TBRG4: variants seen among roughly 807,000 people sequenced by gnomAD.
The protein encoded by TBRG4 is FAST kinase domain-containing protein 4.
Under a neutral mutation model 65.6 loss-of-function variants are expected in TBRG4, and 43 were observed. That is an observed-to-expected ratio of 0.66 (90% CI 0.51 to 0.85). TBRG4 has a LOEUF of 0.85. Among genes scored for constraint, TBRG4 ranks in the 40% least tolerant of loss-of-function variants. The pLI is 0.00. For synonymous variants in TBRG4, 366 were observed against 341.4 expected, an observed-to-expected ratio of 1.07 and a Z score of -0.79; for missense variants, 709 against 787.9, an observed-to-expected ratio of 0.90 and a Z score of 1.20.
At chr7:45,108,105 C>A (rs1281597538) in intron 2 of TBRG4, among the ~76,000 whole-genome samples, 1 of 152,248 alleles carries the variant, frequency 6.6e-6, no homozygotes, top group African/African-American at 2.4e-5. Context: ...TAGTGCAACT[C>A]CTTCCTTGGA....
At chr7:45,104,853 C>T (rs1784886776) in intron 3 of TBRG4, 144 bp from the exon 4 acceptor site, 2 of 1,288,304 alleles carry the variant, frequency 1.6e-6, no homozygotes, top group African/African-American at 2.9e-5. Context: ...AACACAGGAC[C>T]ACTGTGCAGG....
chr7:45,107,557 A>G (rs959756129), intron 2 of TBRG4: 1 of 152,656 alleles, frequency 6.6e-6, no homozygotes, highest in African/African-American at 2.4e-5. Context: ...AGCAGAAACC[A>G]CACCTTCAAG....
Position 45,111,634 on chromosome 7 carries a change from A to G in TBRG4, c.-51+9T>C, listed in dbSNP as rs1785130204. 7.8e-7 allele frequency: 1 copy of G among 1,289,246 alleles called. No individual in the cohort carries two copies. Among genetic ancestry groups the G allele is most frequent in the Non-Finnish European group, 1.0e-6 (1 of 988,838 alleles). 79.9% of individuals were successfully genotyped at this position (1,289,246 alleles called of 1,614,324 possible). On this transcript the variant is annotated intron_variant, in intron 1 of 10. Transcript: ENST00000258770. Reference sequence around the variant, plus strand: ...CAGCCGCCCCTTCTCCCCGTGCCACAAGACCTACGCAGCGAGCACCACCGC... The same window carrying G: ...CAGCCGCCCCTTCTCCCCGTGCCACGAGACCTACGCAGCGAGCACCACCGC...
chr7:45,107,182 C>G (rs1341950120), intron 2 of TBRG4: 1 of 152,268 alleles, frequency 6.6e-6, no homozygotes, highest in East Asian at 1.9e-4. Context: ...CAGGCTCTTA[C>G]TAAATGCCAG....
chr7:45,106,144 C>T (rs1338839387), intron 2 of TBRG4: 3 of 512,930 alleles, frequency 5.8e-6, no homozygotes, highest in Non-Finnish European at 1.2e-5. Context: ...AGGCCAGATC[C>T]AAGGGTACAC....
intron 1 of TBRG4, among the ~76,000 whole-genome samples, chr7:45,110,557 C>G (rs1259778824): frequency 6.6e-6 from 1 of 151,184 alleles, no homozygotes; most frequent in Non-Finnish European, 1.5e-5. Context: ...GTCCCAGCTA[C>G]TAGGGAGGGT....
chr7:45,104,343 G>A, intron 4 of TBRG4, 87 bp from the exon 5 acceptor site: 1 of 1,598,470 alleles, frequency 6.3e-7, no homozygotes, highest in Non-Finnish European at 8.6e-7. Context: ...TCGAGGTCTA[G>A]ATATTTGATG....
At chr7:45,111,433 G>A (rs1420098937) in intron 1 of TBRG4, 27 of 362,076 alleles carry the variant, frequency 7.5e-5, no homozygotes, top group South Asian at 6.5e-4. Flanking sequence ...CAGGGGCGGC[G>A]TCTTCCAGGC....
At chr7:45,101,777 T>TA in intron 8 of TBRG4, 48 bp downstream of exon 8, 1 of 1,599,692 alleles carries the variant, frequency 6.3e-7, no homozygotes, top group Non-Finnish European at 8.5e-7. Flanking sequence ...AGAGTCCCGT[T>TA]AGACTCAGGC....
intron 1 of TBRG4, among the ~76,000 whole-genome samples, chr7:45,110,041 G>A (rs10260474): frequency 0.087 from 13,107 of 151,210 alleles, 1,461 homozygotes; most frequent in African/African-American, 0.25. Context: ...GTAGACATAG[G>A]TGTGAGCCTC....
At chr7:45,109,970 C>CAAAAAAAAAAA (rs11311938) in intron 1 of TBRG4, among the ~76,000 whole-genome samples, 1 of 107,912 alleles carries the variant, frequency 9.3e-6, no homozygotes, top group Non-Finnish European at 1.8e-5. Context: ...GACTCCATCT[C>CAAAAAAAAAAA]AAAAAAAAAA....
Position 45,103,235 on chromosome 7 carries a change from G to A in TBRG4, c.1176+98C>T, listed in dbSNP as rs2289374. 193 of 950,228 alleles carry A rather than the reference G, an allele frequency of 2.0e-4. 3 individuals are homozygous for A. Among genetic ancestry groups the A allele is most frequent in the Middle Eastern group, 1.9e-3 (9 of 4,764 alleles). The allele number at this position is 950,228 out of a possible 1,614,324, so 58.9% of individuals were successfully genotyped here. On this transcript the variant is annotated intron_variant, in intron 6 of 10. Coordinates refer to ENST00000258770, the MANE Select transcript of TBRG4 (RefSeq NM_004749.4). ...CATGCCACACATAGTGGCCCCTCCC[G>A]CCTCCACCTAGCCCGAGCTGATCTT...
intron 2 of TBRG4, chr7:45,106,384 A>G (rs1784956344): frequency 1.1e-5 from 2 of 174,918 alleles, no homozygotes; most frequent in Admixed American, 1.1e-4. Context: ...CTGCAAGTAA[A>G]GCTGTCAAAT....
intron 4 of TBRG4, 86 bp from the exon 5 acceptor site, chr7:45,104,342 A>T: frequency 6.3e-7 from 1 of 1,596,594 alleles, no homozygotes; most frequent in Non-Finnish European, 8.6e-7. Context: ...CTCGAGGTCT[A>T]GATATTTGAT....
chr7:45,101,294 C>T lies in TBRG4; in HGVS notation c.1758G>A (p.Arg586=). The T allele has an allele frequency of 1.2e-6, 2 of 1,613,926 alleles. No individual in the cohort carries two copies. Among genetic ancestry groups the T allele is most frequent in the South Asian group, 1.1e-5 (1 of 91,078 alleles). ...GGAAGCCTGCAGCCACTATGTGTCG[C>T]CGGGCCAGAACAAAGCGACCCAGCA... ...KDLLGRFVLA[R]RHIVAAGFLI... Residue 586 remains arginine, a synonymous_variant, in exon 10 of 11, where the codon CGG becomes CGA. Transcript: ENST00000258770.
In TBRG4 at chr7:45,104,103, G is replaced by C; in HGVS notation, c.1061C>G (p.Ala354Gly). 2 of 1,603,094 alleles carry C rather than the reference G, an allele frequency of 1.2e-6. No homozygotes were observed. Among genetic ancestry groups the C allele is most frequent in the Non-Finnish European group, 1.7e-6 (2 of 1,174,864 alleles). ...TGGGGCCAGGCCCTGGCTCACCTGG[G>C]CAAAGGCCTCAAACAGGGGCAGGCT... ...WLSLPLFEAF[A>G]QHVLNRAQDI... is the part of the protein sequence containing the mutation. Residue 354 changes from alanine to glycine, a missense_variant, in exon 5 of 11, where the codon GCC (alanine) becomes GGC (glycine). Coordinates refer to ENST00000258770, the MANE Select transcript of TBRG4 (RefSeq NM_004749.4).
In TBRG4 at chr7:45,109,184, A is replaced by T. The variant is rs1198982912; in HGVS notation, c.54T>A (p.Arg18=). Residue 18 remains arginine (R), a synonymous_variant, in exon 2 of 11, where the codon CGT becomes CGA. Coordinates refer to ENST00000258770, the MANE Select transcript of TBRG4 (RefSeq NM_004749.4). ...CAACTGGAGCCATGGCAGGGGCCTGACGAGCAGCTTCTCTCAGGAGGCACG... is the reference window on the plus strand; with the variant it reads ...CAACTGGAGCCATGGCAGGGGCCTGTCGAGCAGCTTCTCTCAGGAGGCACG... The part of the protein sequence containing the change: ...RCTCLLREAA[R]QAPAMAPVGR... 6.2e-7 allele frequency: 1 copy of T among 1,613,120 alleles called. No homozygotes were observed. The highest frequency in any genetic ancestry group is 2.2e-5 in the East Asian group (1 of 44,900).
chr7:45,106,189 C>T, intron 2 of TBRG4: 1 of 403,048 alleles, frequency 2.5e-6, no homozygotes, highest in South Asian at 1.9e-5. Context: ...CAATAAATAG[C>T]ACATTTCTGC....
Position 45,109,067 on chromosome 7 carries a change from C to A in TBRG4, c.171G>T (p.Pro57=). 6.2e-7 allele frequency: 1 copy of A among 1,614,036 alleles called. No individual in the cohort carries two copies. Among genetic ancestry groups the A allele is most frequent in the Non-Finnish European group, 8.5e-7 (1 of 1,179,922 alleles). ...ISHLPGSLME[P]VEKERASTPY... ...GAGTAGATGCTCGTTCCTTCTCCACCGGCTCCATCAAGGAACCTGGGAGGT... is the reference window on the plus strand; with the variant it reads ...GAGTAGATGCTCGTTCCTTCTCCACAGGCTCCATCAAGGAACCTGGGAGGT... Residue 57 remains proline, a synonymous_variant, in exon 2 of 11, where the codon CCG becomes CCT. Coordinates refer to ENST00000258770, the MANE Select transcript of TBRG4 (RefSeq NM_004749.4).
Sources: allele counts gnomAD v4.1 joint callset (sites outside exome capture counted in the v4.1 genomes callset), GRCh38; gene constraint gnomAD v4.1.1; transcripts MANE v1.5; gene names NCBI Gene and HGNC (gene_info 2026-07-23, HGNC 2026-07-21).